OR51B5: variants seen among roughly 807,000 people sequenced by gnomAD.
The protein encoded by OR51B5 is olfactory receptor family 51 subfamily B member 5.
For missense variants in OR51B5, 456 were observed against 374.6 expected (o/e 1.22, Z -1.79); for synonymous variants, 186 against 144.8 (o/e 1.28, Z -2.04).
chr11:5,387,492 A>G (rs1849714635), intron 1 of OR51B5, among the ~76,000 whole-genome samples: 1 of 151,914 alleles, frequency 6.6e-6, no homozygotes, highest in South Asian at 2.1e-4. Flanking sequence ...TGTAAGCCTT[A>G]TATCCATGCA....
Position 5,432,885 on chromosome 11 carries a change from C to G in OR51B5, n.84+72684G>C, listed in dbSNP as rs190326566. ...GTGGTCTGATCTAGGTTGGAGTCAT[C>G]AGAAAGAACTGAGTTTTAGCTTTGA... On this transcript the variant is annotated intron_variant and non_coding_transcript_variant, in intron 1 of 4. Coordinates refer to the OR51B5 transcript ENST00000415970. 6.7e-3 allele frequency among the ~76,000 whole-genome samples: 1,014 copies of G among 152,166 alleles called. 10 individuals are homozygous for G. Among genetic ancestry groups the G allele is most frequent in the African/African-American group, 0.023 (972 of 41,514 alleles).
chr11:5,408,350 CCCTT>C (rs1404219722), intron 1 of OR51B5, among the ~76,000 whole-genome samples: 54 of 99,412 alleles, frequency 5.4e-4, no homozygotes, highest in Middle Eastern at 5.1e-3. Context: ...TTCCCTTCCT[CCCTT>C]CCTCCCTTCC....
Position 5,488,064 on chromosome 11 carries a change from G to A in OR51B5, n.84+17505C>T, listed in dbSNP as rs574775388. On this transcript the variant is annotated intron_variant and non_coding_transcript_variant, in intron 1 of 4. Transcript: ENST00000415970. ...CATTAATTTAAAACATCAATGCCAT[G>A]TTACTAAGAATGATCAGAATTTAGT... 3.3e-5 allele frequency among the ~76,000 whole-genome samples: 5 copies of A among 152,264 alleles called. No homozygotes were observed. In the East Asian group the frequency reaches 9.6e-4, roughly 29 times the overall value.
intron 1 of OR51B5, chr11:5,456,520 T>G (rs936223959): frequency 3.9e-5 from 6 of 152,158 alleles, no homozygotes; most frequent in African/African-American, 1.2e-4. Context: ...AACTCAACAT[T>G]TTCCGCTATT....
chr11:5,399,015 A>C (rs1849926196), intron 1 of OR51B5, among the ~76,000 whole-genome samples: 1 of 152,128 alleles, frequency 6.6e-6, no homozygotes, highest in South Asian at 2.1e-4. Context: ...AGCCCTTAGC[A>C]TTTTTCCTAA....
chr11:5,483,560 A>AC (rs1349569699), intron 1 of OR51B5, among the ~76,000 whole-genome samples: 1 of 151,792 alleles, frequency 6.6e-6, no homozygotes, highest in African/African-American at 2.4e-5. Flanking sequence ...CAGCTAAAAA[A>AC]AAAAAGAAGA....
At chr11:5,446,955 G>A (rs1462280368) in intron 1 of OR51B5, among the ~76,000 whole-genome samples, 1 of 152,184 alleles carries the variant, frequency 6.6e-6, no homozygotes, top group Non-Finnish European at 1.5e-5. Context: ...AGAAATCTGG[G>A]CATCTGGCTT....
chr11:5,466,284 A>G (rs1851137930), intron 1 of OR51B5, among the ~76,000 whole-genome samples: 1 of 152,224 alleles, frequency 6.6e-6, no homozygotes, highest in African/African-American at 2.4e-5. Context: ...TACTCATTAG[A>G]CAATAGTAAA....
At chr11:5,347,353 T>C (rs1225016305), upstream of OR51B5, among the ~76,000 whole-genome samples, 1 of 151,978 alleles carries the variant, frequency 6.6e-6, no homozygotes, top group Non-Finnish European at 1.5e-5. Flanking sequence ...TAGACTAGAG[T>C]CAATATAATA....
At chr11:5,474,733 A>T (rs1851280044) in intron 1 of OR51B5, among the ~76,000 whole-genome samples, 1 of 152,242 alleles carries the variant, frequency 6.6e-6, no homozygotes, top group African/African-American at 2.4e-5. Context: ...TGTGTTGGTT[A>T]GTGTAAACTC....
At chr11:5,362,060 C>A (rs1318290297) in intron 1 of OR51B5, among the ~76,000 whole-genome samples, 1 of 152,204 alleles carries the variant, frequency 6.6e-6, no homozygotes, top group Non-Finnish European at 1.5e-5. Flanking sequence ...TAAATTGCTG[C>A]ATATTCCCAG....
intron 1 of OR51B5, among the ~76,000 whole-genome samples, chr11:5,349,937 GTTTAATATC>G (rs1849051304): frequency 6.6e-6 from 1 of 151,812 alleles, no homozygotes; most frequent in Admixed American, 6.6e-5. Context: ...AGAAACTATA[GTTTAATATC>G]TTTATTTAAA....
chr11:5,385,290 T>C (rs977424668), intron 1 of OR51B5: 1 of 152,218 alleles, frequency 6.6e-6, no homozygotes, highest in Non-Finnish European at 1.5e-5. Flanking sequence ...TAAAGCTTTC[T>C]TCCCAAGAGG....
At chr11:5,503,416 C>CT (rs140319728) in intron 1 of OR51B5, among the ~76,000 whole-genome samples, 26 of 152,010 alleles carry the variant, frequency 1.7e-4, no homozygotes, top group South Asian at 4.1e-4. Flanking sequence ...AGAAACTACA[C>CT]TTTTTTTTAC....
intron 1 of OR51B5, among the ~76,000 whole-genome samples, chr11:5,436,055 A>C (rs1850588201): frequency 1.3e-5 from 2 of 152,172 alleles, no homozygotes; most frequent in Admixed American, 6.5e-5. Flanking sequence ...CTGTAACTGA[A>C]GTACCTTCAG....
chr11:5,342,126 T>C (rs1293010284), downstream of OR51B5, among the ~76,000 whole-genome samples: 10 of 152,306 alleles, frequency 6.6e-5, no homozygotes, highest in South Asian at 1.9e-3. Context: ...ACCAAATTTA[T>C]AGGTTCCCAT....
At chr11:5,341,842 G>C (rs1264973731), downstream of OR51B5, among the ~76,000 whole-genome samples, 1 of 152,170 alleles carries the variant, frequency 6.6e-6, no homozygotes, top group Non-Finnish European at 1.5e-5. Flanking sequence ...AACTAGGGTA[G>C]TAGAATAAGA....
intron 1 of OR51B5, chr11:5,351,880 C>G: frequency 6.2e-7 from 1 of 1,613,298 alleles, no homozygotes; most frequent in Non-Finnish European, 8.5e-7. Context: ...CATTACCATC[C>G]GCAGCCCCTT....
chr11:5,414,085 T>C (rs1319137944), intron 1 of OR51B5, among the ~76,000 whole-genome samples: 3 of 151,968 alleles, frequency 2.0e-5, no homozygotes, highest in South Asian at 2.1e-4. Context: ...AGCAGCTCTC[T>C]TGGCAGAAAC....
Sources: allele counts gnomAD v4.1 joint callset (sites outside exome capture counted in the v4.1 genomes callset), GRCh38; gene constraint gnomAD v4.1.1; transcripts MANE v1.5; gene names NCBI Gene and HGNC (gene_info 2026-07-23, HGNC 2026-07-21).